The following HMG20B variants were observed in gnomAD, a reference collection of about 807,000 sequenced individuals.
The protein encoded by HMG20B is high mobility group 20B.
In HMG20B, 24 loss-of-function variants were observed where a neutral mutation model predicts 41.6. That is an observed-to-expected ratio of 0.58 (90% CI 0.42 to 0.81). The LOEUF is 0.81. Ranked by LOEUF, HMG20B falls within the 30% of genes least tolerant of loss-of-function variation. HMG20B has a pLI of 0.00. For missense variants in HMG20B, 461 were observed against 444.0 expected (o/e 1.04, Z -0.34); for synonymous variants, 251 against 186.6 (o/e 1.34, Z -2.81).
Position 3,578,914 on chromosome 19 carries a change from C to G in HMG20B, c.*393C>G, listed in dbSNP as rs1048469498. The stretch of plus-strand genomic sequence containing the variant: ...GTGCCATAGGCCACACAGGAAGCTG[C>G]CTTGTGGGGACTTACCTGGGGTGTC... On this transcript the variant is annotated 3_prime_UTR_variant, in exon 10 of 10. Transcript: ENST00000333651. 2.1e-6 allele frequency: 1 copy of G among 484,614 alleles called. No individual in the cohort carries two copies. The highest frequency in any genetic ancestry group is 2.0e-5 in the African/African-American group (1 of 51,276). 30.0% of individuals were successfully genotyped at this position (484,614 alleles called of 1,614,324 possible).
chr19:3,578,842 C>A lies in HMG20B; in HGVS notation c.*321C>A. The A allele has an allele frequency of 1.5e-6, 1 of 647,384 alleles. No individual in the cohort carries two copies. Among genetic ancestry groups the A allele is most frequent in the Non-Finnish European group, 2.9e-6 (1 of 348,194 alleles). 40.1% of individuals were successfully genotyped at this position (647,384 alleles called of 1,614,324 possible). A position where few individuals can be genotyped will look rare whatever the true frequency, so the allele number is the denominator to read the frequency against. ...CAGGACACAGGGCAGACGAAACCCA[C>A]CCCCAGCACACGGCAGGACCCCCCA... On this transcript the variant is annotated 3_prime_UTR_variant, in exon 10 of 10. Coordinates refer to ENST00000333651, the MANE Select transcript of HMG20B (RefSeq NM_006339.3).
At position 3,577,348 on chromosome 19, in the gene HMG20B, T is replaced by C. The variant is rs998701726; in HGVS notation, c.808+241T>C. ...GGTTCTTCCCAGACCACACCCGAGC[T>C]CCGCTCCGCGCCCCGTTACTCGGCC... On this transcript the variant is annotated intron_variant, in intron 8 of 9. Coordinates refer to ENST00000333651, the MANE Select transcript of HMG20B (RefSeq NM_006339.3). Among the ~76,000 whole-genome samples, 281 of 122,800 alleles carry C rather than the reference T, an allele frequency of 2.3e-3. 7 individuals carry two copies. The highest frequency in any genetic ancestry group is 8.1e-3 in the African/African-American group (262 of 32,366). 80.6% of individuals were successfully genotyped at this position (122,800 alleles called of 152,430 possible).
At position 3,577,123 on chromosome 19, in the gene HMG20B, A is replaced by G; in HGVS notation, c.808+16A>G. The G allele has an allele frequency of 6.7e-7, 1 of 1,502,778 alleles. No homozygotes were observed. Among genetic ancestry groups the G allele is most frequent in the Non-Finnish European group, 8.9e-7 (1 of 1,128,124 alleles). The allele number at this position is 1,502,778 out of a possible 1,614,324, so 93.1% of individuals were successfully genotyped here. ...CCGGTGCCGGGTGCGGGCCACGCCC[A>G]TCTCCCAGTCCCGCCCCGGTCACCC... On this transcript the variant is annotated intron_variant, in intron 8 of 9. Coordinates refer to ENST00000333651, the MANE Select transcript of HMG20B (RefSeq NM_006339.3).
intron 1 of HMG20B, 78 bp from the exon 2 acceptor site, chr19:3,573,214 A>C: frequency 8.1e-7 from 1 of 1,242,148 alleles, no homozygotes; most frequent in East Asian, 3.1e-5. Context: ...GGGGCTCTCC[A>C]TCGCGGGGTA....
intron 3 of HMG20B, 169 bp downstream of exon 3, chr19:3,573,969 C>G (rs1217287502): frequency 5.5e-6 from 4 of 725,540 alleles, no homozygotes; most frequent in Non-Finnish European, 9.8e-6. Context: ...AGGTCCTCTG[C>G]CACTCTAAGT....
intron 4 of HMG20B, among the ~76,000 whole-genome samples, chr19:3,575,134 A>G (rs1192667359): frequency 6.6e-6 from 1 of 152,188 alleles, no homozygotes; most frequent in Non-Finnish European, 1.5e-5. Context: ...GCGAAACCCG[A>G]TTTTCATATC....
At position 3,578,995 on chromosome 19, in the gene HMG20B, C is replaced by T. The variant is rs1372971576; in HGVS notation, c.*474C>T. 2.0e-5 allele frequency: 7 copies of T among 357,534 alleles called. No individual in the cohort carries two copies. The highest frequency in any genetic ancestry group is 3.9e-5 in the Non-Finnish European group (7 of 180,496). 22.1% of individuals were successfully genotyped at this position (357,534 alleles called of 1,614,324 possible). A position where few individuals can be genotyped will look rare whatever the true frequency, so the allele number is the denominator to read the frequency against. On this transcript the variant is annotated 3_prime_UTR_variant, in exon 10 of 10. Transcript: ENST00000333651. ...GGCCGGCTTTGCCCATCCTGCTCTC[C>T]TCCAGCCGAGGGACCCTGGTGGGGG... is the stretch of plus-strand genomic sequence containing the variant.
Position 3,576,412 on chromosome 19 carries a change from C to T in HMG20B, c.519+105C>T, listed in dbSNP as rs1034434495. 2.9e-6 allele frequency: 4 copies of T among 1,369,372 alleles called. No homozygotes were observed. The South Asian group carries it at 4.7e-5, about 16-fold the overall frequency. The allele number at this position is 1,369,372 out of a possible 1,614,324, so 84.8% of individuals were successfully genotyped here. On this transcript the variant is annotated intron_variant, in intron 6 of 9. Transcript: ENST00000333651. ...TCGCCCAGATGTGTGCAAGCAGGGG[C>T]GGTGCCACTGCACCGTGGGATCGCT... is the stretch of plus-strand genomic sequence containing the variant.
chr19:3,576,414 G>A (rs2032163648), intron 6 of HMG20B, 107 bp downstream of exon 6: 5 of 1,351,584 alleles, frequency 3.7e-6, no homozygotes, highest in Non-Finnish European at 5.3e-6. Context: ...AGCAGGGGCG[G>A]TGCCACTGCA....
Position 3,572,952 on chromosome 19 carries a change from G to T in HMG20B, c.-61G>T. On this transcript the variant is annotated 5_prime_UTR_variant, in exon 1 of 10. Coordinates refer to ENST00000333651, the MANE Select transcript of HMG20B (RefSeq NM_006339.3). Reference sequence around the variant, plus strand: ...GGGGGCGGGCTGCGGGCGGTTGGTTGGAGCGTCGCGCAGTCGGGAGGTCCG... The same window carrying T: ...GGGGGCGGGCTGCGGGCGGTTGGTTTGAGCGTCGCGCAGTCGGGAGGTCCG... The T allele has an allele frequency of 4.1e-6, 1 of 244,866 alleles. No individual in the cohort carries two copies. The highest frequency in any genetic ancestry group is 1.1e-4 in the South Asian group (1 of 9,242). 15.2% of individuals were successfully genotyped at this position (244,866 alleles called of 1,614,324 possible). A position where few individuals can be genotyped will look rare whatever the true frequency, so the allele number is the denominator to read the frequency against.
At chr19:3,577,415 C>T (rs2032194355) in intron 8 of HMG20B, among the ~76,000 whole-genome samples, 1 of 149,534 alleles carries the variant, frequency 6.7e-6, no homozygotes, top group African/African-American at 2.5e-5. Context: ...CTCCCGGCCA[C>T]GACCTCTCCC....
chr19:3,576,786 C>CA, intron 7 of HMG20B, 106 bp from the exon 8 acceptor site: 1 of 1,331,606 alleles, frequency 7.5e-7, no homozygotes, highest in Non-Finnish European at 1.0e-6. Flanking sequence ...GAGCAGGAGG[C>CA]AGAGGGCGCA....
At position 3,575,540 on chromosome 19, in the gene HMG20B, C is replaced by G. The variant is rs866353876; in HGVS notation, c.352C>G (p.Arg118Gly). 5.1e-6 allele frequency: 8 copies of G among 1,563,516 alleles called. No homozygotes were observed. The highest frequency in any genetic ancestry group is 6.9e-6 in the Non-Finnish European group (8 of 1,154,616). The change falls in exon 5 of 10, where the codon CGG (arginine) becomes GGG (glycine). Residue 118 changes from arginine to glycine, a missense_variant and splice_region_variant. Arg to Gly is a moderately radical substitution (Grantham distance 125). Transcript: ENST00000333651. ...CAAGCCTTCTGGTGCTGCCCCCCAG[C>G]GGTACCTGGATGAGGCCGAGAGAGA... is the stretch of plus-strand genomic sequence containing the variant. ...WSKLQPTEKQ[R>G]YLDEAEREKQ...
chr19:3,574,347 A>T, intron 3 of HMG20B, 36 bp from the exon 4 acceptor site: 1 of 1,229,486 alleles, frequency 8.1e-7, no homozygotes, highest in Non-Finnish European at 1.0e-6. Context: ...CCAGTACGCC[A>T]GGCCCCCCTC....
rs751017234 is a variant in HMG20B at position 3,578,497 on chromosome 19, C to T, written c.942-12C>T. ...TGAGGGCCTCATCCCGGGCCCTCCT[C>T]TCTCGTTTCAGCGAGCACCTGTGAG... On this transcript the variant is annotated splice_polypyrimidine_tract_variant and intron_variant, in intron 9 of 9. Coordinates refer to ENST00000333651, the MANE Select transcript of HMG20B (RefSeq NM_006339.3). The T allele has an allele frequency of 8.4e-6, 13 of 1,541,464 alleles. No individual in the cohort carries two copies. In the African/African-American group the frequency reaches 1.1e-4, roughly 13 times the overall value.
chr19:3,573,358 T>C lies in HMG20B; in HGVS notation c.38+11T>C. 1 of 1,530,712 alleles carries C rather than the reference T, an allele frequency of 6.5e-7. No individual in the cohort carries two copies. Among genetic ancestry groups the C allele is most frequent in the East Asian group, 2.6e-5 (1 of 38,542 alleles). The allele number at this position is 1,530,712 out of a possible 1,614,324, so 94.8% of individuals were successfully genotyped here. The stretch of plus-strand genomic sequence containing the variant: ...CGGCGCGGCCGCCGCGTGAGTGCAC[T>C]GATCCCCTCCCCACGCCCTCGCTAC... On this transcript the variant is annotated intron_variant, in intron 2 of 9. Coordinates refer to ENST00000333651, the MANE Select transcript of HMG20B (RefSeq NM_006339.3).
chr19:3,573,032 GC>G, intron 1 of HMG20B, 38 bp downstream of exon 1: 1 of 409,218 alleles, frequency 2.4e-6, no homozygotes, highest in Non-Finnish European at 4.4e-6. Context: ...CTGAGAGGGG[GC>G]GGGGGTGCAG....
At chr19:3,578,249 T>A in intron 9 of HMG20B, 136 bp downstream of exon 9, 3 of 1,296,080 alleles carry the variant, frequency 2.3e-6, no homozygotes, top group Non-Finnish European at 3.2e-6. Flanking sequence ...GGGGCCTACC[T>A]GCGGTCGCCC....
rs1414743079 is a variant in HMG20B at position 3,578,776 on chromosome 19, G to T, written c.*255G>T. 1.3e-6 allele frequency: 1 copy of T among 742,714 alleles called. No homozygotes were observed. The highest frequency in any genetic ancestry group is 2.5e-5 in the East Asian group (1 of 39,504). The allele number at this position is 742,714 out of a possible 1,614,324, so 46.0% of individuals were successfully genotyped here. On this transcript the variant is annotated 3_prime_UTR_variant, in exon 10 of 10. Transcript: ENST00000333651. ...CTCACAGCCGAGGGTGCCCCTCCTC[G>T]GAGGACAGCCACGCGCTACACTGGC...
Sources: allele counts gnomAD v4.1 joint callset (sites outside exome capture counted in the v4.1 genomes callset), GRCh38; gene constraint gnomAD v4.1.1; transcripts MANE v1.5; gene names NCBI Gene and HGNC (gene_info 2026-07-23, HGNC 2026-07-21).